The following CSMD3 variants were observed in gnomAD, a reference collection of about 807,000 sequenced individuals.
The protein encoded by CSMD3 is CUB and sushi domain-containing protein 3.
In CSMD3, 177 loss-of-function variants were observed where a neutral mutation model predicts 435.2. That is an observed-to-expected ratio of 0.41 (90% CI 0.36 to 0.46). CSMD3 has a LOEUF of 0.46. Ranked by LOEUF, CSMD3 falls within the 20% of genes least tolerant of loss-of-function variation. The pLI, the probability that CSMD3 is intolerant of heterozygous loss-of-function variation, is 0.34. For synonymous variants in CSMD3, 1,656 were observed against 1,520.5 expected, an observed-to-expected ratio of 1.09 and a Z score of -2.07; for missense variants, 4,265 against 4,504.6, an observed-to-expected ratio of 0.95 and a Z score of 1.52.
chr8:112,749,777 G>C (rs763381205), intron 13 of CSMD3, among the ~76,000 whole-genome samples: 1 of 151,926 alleles, frequency 6.6e-6, no homozygotes. Context: ...ATATGAGGAC[G>C]AACATGTCTA....
At chr8:113,000,727 C>A (rs536106949) in intron 6 of CSMD3, among the ~76,000 whole-genome samples, 1 of 152,030 alleles carries the variant, frequency 6.6e-6, no homozygotes, top group African/African-American at 2.4e-5. Context: ...TACATTAAGT[C>A]TTTGGGGGAA....
intron 42 of CSMD3, among the ~76,000 whole-genome samples, chr8:112,340,658 A>C (rs1174834456): frequency 6.6e-6 from 1 of 152,178 alleles, no homozygotes; most frequent in Non-Finnish European, 1.5e-5. Flanking sequence ...ATTATGTAAA[A>C]TATCATTTTA....
At chr8:113,326,234 A>G (rs2093982900) in intron 1 of CSMD3, among the ~76,000 whole-genome samples, 1 of 152,110 alleles carries the variant, frequency 6.6e-6, no homozygotes, top group Non-Finnish European at 1.5e-5. Flanking sequence ...CTTGTTTCTG[A>G]CAGTCTTTCT....
chr8:113,014,819 C>T (rs368885992), intron 6 of CSMD3, among the ~76,000 whole-genome samples: 69 of 152,098 alleles, frequency 4.5e-4, no homozygotes, highest in East Asian at 1.6e-3. Flanking sequence ...TGTGTGCACA[C>T]GTGCTCATGC....
intron 13 of CSMD3, among the ~76,000 whole-genome samples, chr8:112,744,065 A>C (rs887457881): frequency 6.6e-6 from 1 of 152,102 alleles, no homozygotes; most frequent in Non-Finnish European, 1.5e-5. Context: ...TGTCATATAA[A>C]AAAAGACAGA....
intron 1 of CSMD3, among the ~76,000 whole-genome samples, chr8:113,410,239 T>C (rs990188965): frequency 1.3e-5 from 2 of 152,190 alleles, no homozygotes; most frequent in Non-Finnish European, 2.9e-5. Context: ...GCAATTCCTG[T>C]CCTATTTACC....
At chr8:112,820,199 A>C (rs1430821563) in intron 12 of CSMD3, among the ~76,000 whole-genome samples, 1 of 152,182 alleles carries the variant, frequency 6.6e-6, no homozygotes, top group Non-Finnish European at 1.5e-5. Context: ...GAAGTCTGAC[A>C]AAACCAATAA....
At chr8:112,792,838 T>C (rs1379593443) in intron 13 of CSMD3, among the ~76,000 whole-genome samples, 2 of 152,042 alleles carry the variant, frequency 1.3e-5, no homozygotes, top group Non-Finnish European at 2.9e-5. Context: ...TGAAAATCAA[T>C]TGGCCATAAT....
At chr8:112,971,358 C>T (rs1219056070) in intron 7 of CSMD3, among the ~76,000 whole-genome samples, 3 of 152,132 alleles carry the variant, frequency 2.0e-5, no homozygotes. Context: ...GGGAATTGAA[C>T]TTATTGCTCA....
At chr8:113,254,036 C>T (rs1364561378) in intron 3 of CSMD3, among the ~76,000 whole-genome samples, 1 of 151,990 alleles carries the variant, frequency 6.6e-6, no homozygotes, top group East Asian at 1.9e-4. Flanking sequence ...TGTTATTTAC[C>T]AATCTAGACC....
At chr8:112,964,724 T>A (rs531411927) in intron 7 of CSMD3, among the ~76,000 whole-genome samples, 2 of 151,986 alleles carry the variant, frequency 1.3e-5, no homozygotes, top group South Asian at 4.1e-4. Context: ...ATAAAATTAA[T>A]CTAGAAATTT....
chr8:112,553,482 T>C (rs1442281080), intron 25 of CSMD3, among the ~76,000 whole-genome samples: 2 of 152,068 alleles, frequency 1.3e-5, no homozygotes, highest in Non-Finnish European at 2.9e-5. Flanking sequence ...GTATTTTAGT[T>C]AGCATATTGC....
chr8:112,911,775 T>C (rs2082424057), intron 10 of CSMD3, among the ~76,000 whole-genome samples: 2 of 146,276 alleles, frequency 1.4e-5, no homozygotes, highest in South Asian at 2.2e-4. Context: ...TTAATTGTTA[T>C]GTATATAAAA....
intron 10 of CSMD3, among the ~76,000 whole-genome samples, chr8:112,891,041 A>G (rs1332465613): frequency 6.6e-6 from 1 of 151,670 alleles, no homozygotes; most frequent in Non-Finnish European, 1.5e-5. Flanking sequence ...TTTAATAGTC[A>G]CATTCCATCA....
intron 10 of CSMD3, among the ~76,000 whole-genome samples, chr8:112,917,750 G>A (rs573816265): frequency 6.6e-6 from 1 of 151,932 alleles, no homozygotes; most frequent in Non-Finnish European, 1.5e-5. Flanking sequence ...GGGAATGGAA[G>A]TTTAGGAGTG....
chr8:112,913,662 T>G (rs1215925478), intron 10 of CSMD3, among the ~76,000 whole-genome samples: 1 of 151,852 alleles, frequency 6.6e-6, no homozygotes, highest in Non-Finnish European at 1.5e-5. Context: ...CCTCTCCCTC[T>G]GTTTTTCTTT....
chr8:112,819,963 C>A lies in CSMD3; in HGVS notation c.1859+9723G>T, dbSNP rs1426590291. Among the ~76,000 whole-genome samples the A allele has an allele frequency of 3.3e-5, 5 of 152,114 alleles. No homozygotes were observed. The South Asian group carries it at 8.3e-4, about 25-fold the overall frequency. ...GGAATGTCCCATCAACATATTTGTT[C>A]TTTTTCTGGTTTTATGCTGTCTAGC... On this transcript the variant is annotated intron_variant, in intron 12 of 70. Coordinates refer to ENST00000297405, the MANE Select transcript of CSMD3 (RefSeq NM_198123.2).
intron 59 of CSMD3, among the ~76,000 whole-genome samples, chr8:112,272,295 C>T (rs1179777127): frequency 6.6e-6 from 1 of 152,138 alleles, no homozygotes; most frequent in Non-Finnish European, 1.5e-5. Context: ...AGTTCAGCTA[C>T]TTCAAATTTT....
intron 5 of CSMD3, among the ~76,000 whole-genome samples, chr8:113,048,237 C>A (rs762262639): frequency 1.3e-5 from 2 of 151,972 alleles, no homozygotes. Context: ...GGATTACAGG[C>A]GCCCACTAAC....
Sources: gnomAD v4.1 joint callset for allele counts (sites outside exome capture counted in the v4.1 genomes callset) on GRCh38, gnomAD v4.1.1 for gene constraint, MANE v1.5 for transcripts, NCBI Gene and HGNC (gene_info 2026-07-23, HGNC 2026-07-21) for gene names.